Variants in AMOTL1 observed in about 807,000 individuals in gnomAD.
AMOTL1 encodes angiomotin like 1.
In AMOTL1, 45 loss-of-function variants were observed where a neutral mutation model predicts 102.9. That is an observed-to-expected ratio of 0.44 (90% CI 0.34 to 0.56). AMOTL1 has a LOEUF of 0.56. Ranked by LOEUF, AMOTL1 falls within the 20% of genes least tolerant of loss-of-function variation. The pLI is 0.01. For missense variants in AMOTL1, 1,114 were observed against 1,225.6 expected, an observed-to-expected ratio of 0.91 and a Z score of 1.36; for synonymous variants, 481 against 484.7, an observed-to-expected ratio of 0.99 and a Z score of 0.10.
chr11:94,746,321 C>T (rs1337214716), intron 3 of AMOTL1, among the ~76,000 whole-genome samples: 5 of 152,120 alleles, frequency 3.3e-5, no homozygotes, highest in Non-Finnish European at 7.3e-5. Flanking sequence ...CTAGAAGTTA[C>T]GGTCATCTGA....
upstream of AMOTL1, among the ~76,000 whole-genome samples, chr11:94,767,035 C>G (rs530657384): frequency 2.1e-4 from 32 of 152,228 alleles, no homozygotes; most frequent in African/African-American, 7.7e-4. Context: ...AACTCCACCA[C>G]CCTCCCAGGC....
intron 1 of AMOTL1, among the ~76,000 whole-genome samples, chr11:94,774,642 G>C (rs937714891): frequency 3.3e-5 from 5 of 152,192 alleles, no homozygotes; most frequent in African/African-American, 9.7e-5. Context: ...GGATTGCTGG[G>C]CCGCACCCCT....
Position 94,864,812 on chromosome 11 carries a change from A to G in AMOTL1, c.2213A>G (p.Glu738Gly). Residue 738 changes from glutamate to glycine, a missense_variant, in exon 10 of 13, where the codon GAG becomes GGG. By Grantham distance (98) the Glu-to-Gly change is moderately conservative. Transcript: ENST00000433060. Reference protein sequence around the residue: ...SSLEAHIWQEEEEVVQANRRC... With the variant: ...SSLEAHIWQEGEEVVQANRRC... The stretch of plus-strand genomic sequence containing the variant: ...CTGGAGGCCCACATCTGGCAAGAGG[A>G]GGAGGAGGTGGTGCAGGCCAACAGA... 10 of 1,613,924 alleles carry G rather than the reference A, an allele frequency of 6.2e-6. No individual in the cohort carries two copies. Among genetic ancestry groups the G allele is most frequent in the Non-Finnish European group, 8.5e-6 (10 of 1,179,814 alleles).
intron 5 of AMOTL1, 43 bp from the exon 6 acceptor site, chr11:94,831,409 A>G: frequency 2.0e-6 from 3 of 1,493,848 alleles, no homozygotes; most frequent in Non-Finnish European, 2.8e-6. Flanking sequence ...GATGACTTCA[A>G]TCCATATACA....
intron 9 of AMOTL1, 137 bp downstream of exon 9, chr11:94,859,852 T>C: frequency 1.0e-6 from 1 of 975,804 alleles, no homozygotes; most frequent in Non-Finnish European, 1.4e-6. Flanking sequence ...GTAGTTACAG[T>C]GCTAGTTGGA....
intron 12 of AMOTL1, 62 bp downstream of exon 12, chr11:94,869,535 T>A: frequency 1.5e-5 from 23 of 1,492,064 alleles, no homozygotes; most frequent in Non-Finnish European, 2.1e-5. Context: ...CCTAAGAGAA[T>A]CTTTTGTTGA....
intron 3 of AMOTL1, among the ~76,000 whole-genome samples, chr11:94,745,847 G>GT (rs1297626235): frequency 1.3e-5 from 2 of 152,146 alleles, no homozygotes; most frequent in Non-Finnish European, 2.9e-5. Context: ...TAATCAAGCG[G>GT]TTTTTATTTC....
chr11:94,811,165 G>A (rs1004851439), intron 3 of AMOTL1, among the ~76,000 whole-genome samples: 2 of 151,956 alleles, frequency 1.3e-5, no homozygotes, highest in Non-Finnish European at 2.9e-5. Flanking sequence ...AAATAAAGGT[G>A]CCCTTGTTAT....
At chr11:94,747,430 G>A (rs932412811) in intron 3 of AMOTL1, among the ~76,000 whole-genome samples, 2 of 152,200 alleles carry the variant, frequency 1.3e-5, no homozygotes, top group Non-Finnish European at 2.9e-5. Context: ...GGGCCAATAT[G>A]CAAGGAGAAA....
Position 94,840,654 on chromosome 11 carries a change from G to GTATATATATATA in AMOTL1, c.1648+9130_1648+9141dup, listed in dbSNP as rs551220386. On this transcript the variant is annotated intron_variant, in intron 6 of 12. Transcript: ENST00000433060. ...CATTCAGAGGGGCCACTTAAAAAAC[G>GTATATATATATA]TATATATATATATATATATATATAT... Among the ~76,000 whole-genome samples, 558 of 111,178 alleles carry GTATATATATATA rather than the reference G, an allele frequency of 5.0e-3. 7 individuals carry two copies. Among genetic ancestry groups the GTATATATATATA allele is most frequent in the African/African-American group, 0.019 (483 of 24,902 alleles). The allele number at this position is 111,178 out of a possible 152,430, so 72.9% of individuals were successfully genotyped here.
Position 94,860,475 on chromosome 11 carries a change from A to C in AMOTL1, c.2135+760A>C, listed in dbSNP as rs994773239. On this transcript the variant is annotated intron_variant, in intron 9 of 12. Coordinates refer to ENST00000433060, the MANE Select transcript of AMOTL1 (RefSeq NM_130847.3). Reference sequence around the variant, plus strand: ...CAAAGTGTGCAGTAATTCACAAAAAAAGCTCCCAAATGTTCTGTTAAAACA... The same window carrying C: ...CAAAGTGTGCAGTAATTCACAAAAACAGCTCCCAAATGTTCTGTTAAAACA... 3.3e-4 allele frequency among the ~76,000 whole-genome samples: 50 copies of C among 152,182 alleles called. 2 individuals are homozygous for C.
At chr11:94,862,275 T>A (rs1952790237) in intron 9 of AMOTL1, among the ~76,000 whole-genome samples, 1 of 152,198 alleles carries the variant, frequency 6.6e-6, no homozygotes, top group African/African-American at 2.4e-5. Flanking sequence ...ACCTCTGTCA[T>A]TTCAGAATTG....
intron 8 of AMOTL1, among the ~76,000 whole-genome samples, chr11:94,855,602 T>C (rs999067944): frequency 2.0e-5 from 3 of 152,184 alleles, no homozygotes; most frequent in Admixed American, 6.5e-5. Flanking sequence ...GAATGTTCCT[T>C]CCTGGTTAAT....
chr11:94,790,915 T>A (rs1951274200), intron 1 of AMOTL1, among the ~76,000 whole-genome samples: 2 of 152,198 alleles, frequency 1.3e-5, no homozygotes, highest in African/African-American at 2.4e-5. Flanking sequence ...TTTCTGTTGC[T>A]CCTCTTGCCT....
intron 12 of AMOTL1, among the ~76,000 whole-genome samples, chr11:94,870,418 T>G (rs1397343714): frequency 2.0e-5 from 3 of 152,226 alleles, no homozygotes; most frequent in Non-Finnish European, 4.4e-5. Flanking sequence ...CTGATAGTTT[T>G]GAGTAGAGGG....
intron 6 of AMOTL1, among the ~76,000 whole-genome samples, chr11:94,842,432 G>A (rs1161827123): frequency 6.6e-6 from 1 of 152,184 alleles, no homozygotes; most frequent in Non-Finnish European, 1.5e-5. Flanking sequence ...AGTGGGTTGG[G>A]GGAGAAGCCT....
intron 2 of AMOTL1, among the ~76,000 whole-genome samples, chr11:94,729,753 T>C (rs1950316806): frequency 6.6e-6 from 1 of 152,184 alleles, no homozygotes; most frequent in Admixed American, 6.5e-5. Flanking sequence ...TCACAGATGT[T>C]TTCACAAGGA....
intron 1 of AMOTL1, among the ~76,000 whole-genome samples, chr11:94,769,771 C>T (rs78354167): frequency 6.6e-6 from 1 of 152,028 alleles, no homozygotes; most frequent in Non-Finnish European, 1.5e-5. Flanking sequence ...TCCCTCAGCT[C>T]CCTTTCTCTG....
chr11:94,761,377 CAG>C (rs1950790778), intron 3 of AMOTL1, among the ~76,000 whole-genome samples: 1 of 151,776 alleles, frequency 6.6e-6, no homozygotes, highest in South Asian at 2.1e-4. Context: ...TTAGTAGAGA[CAG>C]GGTTTCACCA....
Sources: gnomAD v4.1 joint callset for allele counts (sites outside exome capture counted in the v4.1 genomes callset) on GRCh38, gnomAD v4.1.1 for gene constraint, MANE v1.5 for transcripts, NCBI Gene and HGNC (gene_info 2026-07-23, HGNC 2026-07-21) for gene names.